RAPGEF1: variants seen among roughly 807,000 people sequenced by gnomAD.
RAPGEF1 encodes Rap guanine nucleotide exchange factor 1.
In RAPGEF1, 33 loss-of-function variants were observed where a neutral mutation model predicts 143.3. The ratio of observed to expected loss-of-function variants is 0.23; its 90% CI spans 0.17 to 0.31. The LOEUF is 0.31. Among genes scored for constraint, RAPGEF1 ranks in the 10% least tolerant of loss-of-function variants. The pLI, the probability that RAPGEF1 is intolerant of heterozygous loss-of-function variation, is 1.00. For missense variants in RAPGEF1, 1,199 were observed against 1,645.4 expected, an observed-to-expected ratio of 0.73 and a Z score of 4.69; for synonymous variants, 629 against 676.5, an observed-to-expected ratio of 0.93 and a Z score of 1.09.
chr9:131,682,676 T>C (rs1415472315), intron 1 of RAPGEF1, among the ~76,000 whole-genome samples: 1 of 151,910 alleles, frequency 6.6e-6, no homozygotes, highest in African/African-American at 2.4e-5. Flanking sequence ...TATGGGGGAA[T>C]GGGGAAAAGT....
intron 1 of RAPGEF1, among the ~76,000 whole-genome samples, chr9:131,686,862 T>C (rs1833390927): frequency 6.6e-6 from 1 of 152,216 alleles, no homozygotes. Flanking sequence ...CCAAATGTTT[T>C]ACATTCACAG....
Position 131,627,541 on chromosome 9 carries a change from C to T in RAPGEF1, c.1201+372G>A, listed in dbSNP as rs1480875551. On this transcript the variant is annotated intron_variant, in intron 9 of 26. Transcript: ENST00000683357. ...TGACTAACGAGAAGGCCGGCTCGCG[C>T]GGCTCCCTCCCCTTCAGCCTCTGTC... Among the ~76,000 whole-genome samples the T allele has an allele frequency of 5.3e-5, 8 of 152,194 alleles. No individual in the cohort carries two copies. The South Asian group carries it at 1.0e-3, about 20-fold the overall frequency.
chr9:131,626,563 G>T, intron 9 of RAPGEF1, 141 bp from the exon 10 acceptor site: 1 of 743,432 alleles, frequency 1.3e-6, no homozygotes, highest in Non-Finnish European at 2.0e-6. Flanking sequence ...ATATTCACAT[G>T]TTATATTCTT....
chr9:131,641,878 C>T lies in RAPGEF1; in HGVS notation c.494+1361G>A, dbSNP rs1406676877. On this transcript the variant is annotated intron_variant, in intron 4 of 26. Transcript: ENST00000683357. The surrounding 1 kb of genome is among the most constrained non-coding windows in gnomAD (Gnocchi z 4.6). The stretch of plus-strand genomic sequence containing the variant: ...AAACTCCAGGGAGGAAGCCCCAGGG[C>T]AGAGAGTTTCTTGTAAATAAAGACA... Among the ~76,000 whole-genome samples, 2 of 152,256 alleles carry T rather than the reference C, an allele frequency of 1.3e-5. No homozygotes were observed. The highest frequency in any genetic ancestry group is 2.4e-5 in the African/African-American group (1 of 41,472).
At chr9:131,660,925 T>C (rs1040177689) in intron 1 of RAPGEF1, among the ~76,000 whole-genome samples, 2 of 152,186 alleles carry the variant, frequency 1.3e-5, no homozygotes, top group African/African-American at 4.8e-5. Context: ...AAGGCAACAT[T>C]CAAATGGCCA....
chr9:131,688,049 C>CA, intron 1 of RAPGEF1, among the ~76,000 whole-genome samples: 1 of 152,200 alleles, frequency 6.6e-6, no homozygotes, highest in Admixed American at 6.5e-5. Flanking sequence ...CCCAAGTACC[C>CA]AAGAAAAGAA....
At chr9:131,589,101 G>A in intron 19 of RAPGEF1, 115 bp from the exon 20 acceptor site, 2 of 1,023,528 alleles carry the variant, frequency 2.0e-6, no homozygotes, top group Middle Eastern at 2.4e-4. Flanking sequence ...GAGCTGGCTG[G>A]GAAATTTCTC....
intron 15 of RAPGEF1, 138 bp from the exon 16 acceptor site, chr9:131,598,448 G>A (rs1247769116): frequency 1.4e-6 from 1 of 729,020 alleles, no homozygotes; most frequent in East Asian, 2.7e-5. Flanking sequence ...ACGTCACTAT[G>A]GACTGGATCC....
intron 12 of RAPGEF1, among the ~76,000 whole-genome samples, chr9:131,608,298 G>GGAATGCCCC (rs1957435118): frequency 6.6e-6 from 1 of 152,208 alleles, no homozygotes; most frequent in Admixed American, 6.5e-5. Context: ...CTAAATAACA[G>GGAATGCCCC]TACTGGGGCA....
At chr9:131,662,960 C>T (rs939094020) in intron 1 of RAPGEF1, among the ~76,000 whole-genome samples, 9 of 151,950 alleles carry the variant, frequency 5.9e-5, no homozygotes, top group Admixed American at 1.3e-4. Context: ...TGAGCCTCCA[C>T]GCCTGGTTCC....
intron 1 of RAPGEF1, among the ~76,000 whole-genome samples, chr9:131,734,247 A>G (rs866793306): frequency 2.6e-5 from 4 of 152,202 alleles, no homozygotes; most frequent in Non-Finnish European, 5.9e-5. Flanking sequence ...TCTCCAGGGC[A>G]TGACCTTGGG....
chr9:131,642,866 C>T (rs1351503185), intron 4 of RAPGEF1, among the ~76,000 whole-genome samples: 13 of 152,186 alleles, frequency 8.5e-5, no homozygotes, highest in Admixed American at 7.8e-4. Context: ...CAGTAGCTTC[C>T]ACCTGACAGA....
intron 1 of RAPGEF1, among the ~76,000 whole-genome samples, chr9:131,736,570 C>T (rs974460905): frequency 2.6e-5 from 4 of 152,228 alleles, no homozygotes; most frequent in Admixed American, 2.6e-4. Flanking sequence ...CAAAGAACAG[C>T]AATGACTCAA....
chr9:131,621,736 C>T lies in RAPGEF1; in HGVS notation c.1905+60G>A. 6.6e-7 allele frequency: 1 copy of T among 1,505,648 alleles called. No homozygotes were observed. Among genetic ancestry groups the T allele is most frequent in the Non-Finnish European group, 9.0e-7 (1 of 1,112,984 alleles). 93.3% of individuals were successfully genotyped at this position (1,505,648 alleles called of 1,614,324 possible). A position where few individuals can be genotyped will look rare whatever the true frequency, so the allele number is the denominator to read the frequency against. On this transcript the variant is annotated intron_variant, in intron 11 of 26. Transcript: ENST00000683357. The surrounding 1 kb of genome is among the most constrained non-coding windows in gnomAD (Gnocchi z 4.5). ...AACCCTGCCCCCAAGGAGGGTCATT[C>T]TGGTTCCTAGAGACCTGCTAGGATC...
At chr9:131,582,419 TTA>T (rs1435496122) in intron 25 of RAPGEF1, among the ~76,000 whole-genome samples, 184 bp downstream of exon 25, 1 of 151,740 alleles carries the variant, frequency 6.6e-6, no homozygotes, top group South Asian at 2.1e-4. Context: ...ATATATTATA[TTA>T]TATATATGTA....
At chr9:131,636,349 C>T (rs2133198232) in intron 5 of RAPGEF1, among the ~76,000 whole-genome samples, 2 of 152,330 alleles carry the variant, frequency 1.3e-5, no homozygotes, top group South Asian at 4.1e-4. Flanking sequence ...TTTGTTCTGG[C>T]TAAAATATTT....
chr9:131,700,758 T>C (rs974626867), intron 1 of RAPGEF1, among the ~76,000 whole-genome samples: 4 of 152,138 alleles, frequency 2.6e-5, no homozygotes, highest in African/African-American at 9.7e-5. Context: ...AGGTCTCCAT[T>C]TGCATAGATG....
Position 131,638,678 on chromosome 9 carries a change from G to A in RAPGEF1, c.608C>T (p.Thr203Met), listed in dbSNP as rs779650960. The A allele has an allele frequency of 9.3e-6, 15 of 1,613,834 alleles. No individual in the cohort carries two copies. The highest frequency in any genetic ancestry group is 2.2e-5 in the East Asian group (1 of 44,890). ...GVNSEDKEMV[T>M]TVKGVIKAVL... ...AGCCTTGATGACCCCCTTCACAGTC[G>A]TCACCATCTCCTTGTCTTCTGAGTT... Residue 203 changes from threonine to methionine, a missense_variant, in exon 5 of 27, where the codon ACG (threonine) becomes ATG (methionine). This residue lies in a region of RAPGEF1 where 613 missense variants were observed against 710.9 expected (regional missense o/e 0.86). Coordinates refer to ENST00000683357, the MANE Select transcript of RAPGEF1 (RefSeq NM_001377935.1).
rs559773558 is a variant in RAPGEF1 at position 131,701,314 on chromosome 9, T to C, written c.61+38456A>G. On this transcript the variant is annotated intron_variant, in intron 1 of 26. Coordinates refer to ENST00000683357, the MANE Select transcript of RAPGEF1 (RefSeq NM_001377935.1). The stretch of plus-strand genomic sequence containing the variant: ...ATCTGATGACAGAATGAAGTTTCCT[T>C]CCCTTTTCTTACCCACACCCAAAAC... Among the ~76,000 whole-genome samples the C allele has an allele frequency of 1.2e-4, 19 of 152,288 alleles. No individual in the cohort carries two copies. In the South Asian group the frequency reaches 2.1e-3, roughly 17 times the overall value.
Sources: gnomAD v4.1 joint callset for allele counts (sites outside exome capture counted in the v4.1 genomes callset) on GRCh38, gnomAD v4.1.1 for gene constraint, gnomAD v4.1.1 regional missense constraint, Gnocchi (gnomAD v3.1) non-coding constraint, MANE v1.5 for transcripts, NCBI Gene and HGNC (gene_info 2026-07-23, HGNC 2026-07-21) for gene names.